Variants in BTBD9 observed in about 807,000 individuals in gnomAD.
BTBD9 encodes the protein BTB/POZ domain-containing protein 9.
BTBD9 carries 49 observed loss-of-function variants against 64.3 expected under a neutral mutation model. The observed-to-expected ratio is 0.76, with a 90% CI of 0.61 to 0.97. BTBD9 has a LOEUF of 0.97. Ranked by LOEUF, BTBD9 falls within the 50% of genes least tolerant of loss-of-function variation. BTBD9 has a pLI of 0.00. For synonymous variants in BTBD9, 260 were observed against 274.7 expected (o/e 0.95, Z 0.53); for missense variants, 598 against 762.1 (o/e 0.78, Z 2.53).
intron 6 of BTBD9, among the ~76,000 whole-genome samples, chr6:38,361,281 T>C (rs565001139): frequency 3.2e-4 from 49 of 152,220 alleles, no homozygotes; most frequent in Non-Finnish European, 6.5e-4. Flanking sequence ...CAGTGGCTCA[T>C]GACTGTAATC....
intron 2 of BTBD9, among the ~76,000 whole-genome samples, chr6:38,596,871 G>C (rs1777055004): frequency 6.6e-6 from 1 of 151,256 alleles, no homozygotes; most frequent in South Asian, 2.1e-4. Flanking sequence ...ATTTTAAAAA[G>C]AGGAAGAAAT....
intron 6 of BTBD9, among the ~76,000 whole-genome samples, chr6:38,369,180 A>G (rs889030637): frequency 6.6e-6 from 1 of 152,016 alleles, no homozygotes; most frequent in African/African-American, 2.4e-5. Context: ...AGGGCTTGTC[A>G]TCTCCCACCT....
chr6:38,509,961 C>T (rs976525009), intron 6 of BTBD9, among the ~76,000 whole-genome samples: 4 of 152,174 alleles, frequency 2.6e-5, no homozygotes, highest in African/African-American at 9.7e-5. Flanking sequence ...CCAAAAGAAC[C>T]ACAAGAGCTG....
chr6:38,393,137 G>A (rs4711545), intron 6 of BTBD9, among the ~76,000 whole-genome samples: 8,924 of 152,150 alleles, frequency 0.059, 720 homozygotes, highest in East Asian at 0.33. Flanking sequence ...CAGGTGATCC[G>A]TCCGCCTTAG....
chr6:38,309,004 C>T (rs1762729757), intron 7 of BTBD9, among the ~76,000 whole-genome samples: 1 of 151,932 alleles, frequency 6.6e-6, no homozygotes, highest in Non-Finnish European at 1.5e-5. Context: ...TCAGAGATGT[C>T]ACCACAGCTT....
At chr6:38,265,500 C>CT (rs369951977) in intron 8 of BTBD9, among the ~76,000 whole-genome samples, 1,914 of 133,918 alleles carry the variant, frequency 0.014, 28 homozygotes, top group South Asian at 0.041. Flanking sequence ...AACTACCAAT[C>CT]TTTTTTTTTT....
intron 8 of BTBD9, among the ~76,000 whole-genome samples, chr6:38,266,626 GAAAGAAA>G (rs746555320): frequency 1.1e-4 from 6 of 54,644 alleles, no homozygotes; most frequent in African/African-American, 5.5e-4. Flanking sequence ...AAGAAAGAAA[GAAAGAAA>G]GAAAGAAAGA....
intron 7 of BTBD9, among the ~76,000 whole-genome samples, chr6:38,314,556 T>C (rs1762964072): frequency 6.6e-6 from 1 of 152,196 alleles, no homozygotes; most frequent in African/African-American, 2.4e-5. Flanking sequence ...CTTTAAGTAT[T>C]TGGTAAAACT....
At chr6:38,266,441 C>T (rs531456549) in intron 8 of BTBD9, among the ~76,000 whole-genome samples, 1 of 152,040 alleles carries the variant, frequency 6.6e-6, no homozygotes, top group African/African-American at 2.4e-5. Context: ...GGCGTGGCAG[C>T]GTGCACCTGT....
At chr6:38,466,079 C>G (rs945689875) in intron 6 of BTBD9, among the ~76,000 whole-genome samples, 3 of 151,420 alleles carry the variant, frequency 2.0e-5, no homozygotes, top group Non-Finnish European at 4.4e-5. Context: ...TCCCAAAGTG[C>G]TGGGATTACA....
intron 1 of BTBD9, among the ~76,000 whole-genome samples, chr6:38,634,778 T>C (rs1317776501): frequency 6.6e-6 from 1 of 152,188 alleles, no homozygotes; most frequent in Non-Finnish European, 1.5e-5. Context: ...CAGGACAGTA[T>C]TAAGCAGCTT....
intron 9 of BTBD9, among the ~76,000 whole-genome samples, chr6:38,223,643 C>G (rs1265109263): frequency 2.6e-5 from 4 of 152,160 alleles, no homozygotes; most frequent in Non-Finnish European, 5.9e-5. Context: ...AGCCAGAGTT[C>G]TGAATTTAAC....
chr6:38,226,884 A>T (rs185761222), intron 9 of BTBD9, among the ~76,000 whole-genome samples: 27 of 152,364 alleles, frequency 1.8e-4, no homozygotes, highest in African/African-American at 6.5e-4. Flanking sequence ...GTTAGACATG[A>T]AAACCACTGC....
intron 4 of BTBD9, among the ~76,000 whole-genome samples, chr6:38,591,801 C>A (rs949359503): frequency 2.0e-5 from 3 of 152,148 alleles, no homozygotes; most frequent in Non-Finnish European, 4.4e-5. Flanking sequence ...TAAGAAAAAT[C>A]ACCACTTAAG....
intron 10 of BTBD9, among the ~76,000 whole-genome samples, chr6:38,180,020 C>T (rs1459653205): frequency 6.6e-6 from 1 of 152,196 alleles, no homozygotes; most frequent in Non-Finnish European, 1.5e-5. Flanking sequence ...AGTGTGCCTG[C>T]CTCAGTCATC....
intron 1 of BTBD9, among the ~76,000 whole-genome samples, chr6:38,608,761 A>C (rs2127509691): frequency 6.6e-6 from 1 of 152,362 alleles, no homozygotes; most frequent in African/African-American, 2.4e-5. Context: ...ACAACATAAA[A>C]TATTGATTTA....
intron 6 of BTBD9, among the ~76,000 whole-genome samples, chr6:38,565,753 T>C (rs1254844803): frequency 6.6e-6 from 1 of 152,216 alleles, no homozygotes; most frequent in African/African-American, 2.4e-5. Flanking sequence ...TTTAGTAAAA[T>C]GTTTCACACT....
In BTBD9 at chr6:38,201,616, T is replaced by G. The variant is rs116738886; in HGVS notation, c.1563-9019A>C. ...AGGGCAATCAAGCAAGAGAAAGAAA[T>G]AAAAGGCATCCGAATTGGAAAAGAG... On this transcript the variant is annotated intron_variant, in intron 9 of 10. Transcript: ENST00000481247. Among the ~76,000 whole-genome samples, 388 of 152,250 alleles carry G rather than the reference T, an allele frequency of 2.5e-3. 1 individual carries two copies. Among genetic ancestry groups the G allele is most frequent in the South Asian group, 4.6e-3 (22 of 4,826 alleles).
At chr6:38,314,762 T>C (rs1274287144) in intron 7 of BTBD9, among the ~76,000 whole-genome samples, 1 of 152,222 alleles carries the variant, frequency 6.6e-6, no homozygotes, top group Non-Finnish European at 1.5e-5. Context: ...TTCCAATTTA[T>C]TGGCATATAT....
Sources: gnomAD v4.1 joint callset for allele counts (sites outside exome capture counted in the v4.1 genomes callset) on GRCh38, gnomAD v4.1.1 for gene constraint, MANE v1.5 for transcripts, NCBI Gene and HGNC (gene_info 2026-07-23, HGNC 2026-07-21) for gene names.